POU3F3: variants seen among roughly 807,000 people sequenced by gnomAD.
POU3F3 encodes the protein POU class 3 homeobox 3.
Under a neutral mutation model 8.6 loss-of-function variants are expected in POU3F3, and 1 was observed. The ratio of observed to expected loss-of-function variants is 0.12; its 90% CI spans 0.04 to 0.55. The LOEUF (loss-of-function observed/expected upper bound fraction) is 0.55, where lower values mean the gene tolerates loss of function less well. Among genes scored for constraint, POU3F3 ranks in the 20% least tolerant of loss-of-function variants. POU3F3 has a pLI of 0.91. For missense variants in POU3F3, 577 were observed against 690.7 expected (o/e 0.84, Z 1.84); for synonymous variants, 418 against 327.4 (o/e 1.28, Z -2.99).
chr2:104,868,114 G>GA, the POU3F3 span: 4 of 370,024 alleles, frequency 1.1e-5, no homozygotes, highest in Admixed American at 1.1e-4. Flanking sequence ...GAAAAAGTAA[G>GA]AAAAAAATCA....
At chr2:104,915,457 C>T in the POU3F3 span, among the ~76,000 whole-genome samples, 1 of 152,128 alleles carries the variant, frequency 6.6e-6, no homozygotes, top group Admixed American at 6.5e-5. Context: ...CAAAATTATG[C>T]CACACAGATA....
At chr2:104,872,362 C>G in the POU3F3 span, 2 of 456,408 alleles carry the variant, frequency 4.4e-6, no homozygotes, top group African/African-American at 2.0e-5. This position sits in a 1 kb window ranked among gnomAD's most constrained non-coding sequence, Gnocchi z 4.6. Context: ...GGGCTCTGAG[C>G]TCTGGAGCCC....
the POU3F3 span, among the ~76,000 whole-genome samples, chr2:104,902,644 C>T: frequency 6.6e-6 from 1 of 152,146 alleles, no homozygotes; most frequent in African/African-American, 2.4e-5. Context: ...TGACTGTGTG[C>T]ATCTCCCTCA....
the POU3F3 span, among the ~76,000 whole-genome samples, chr2:104,912,211 C>T: frequency 6.6e-6 from 1 of 152,204 alleles, no homozygotes; most frequent in African/African-American, 2.4e-5. Flanking sequence ...AAGCATCAAG[C>T]ACAGAACCTA....
chr2:104,911,369 C>T, the POU3F3 span, among the ~76,000 whole-genome samples: 389 of 149,154 alleles, frequency 2.6e-3, 2 homozygotes, highest in African/African-American at 9.3e-3. Context: ...GAGCTGAGAT[C>T]GCACCACTGC....
the POU3F3 span, among the ~76,000 whole-genome samples, chr2:104,889,708 A>G: frequency 1.1e-4 from 16 of 152,184 alleles, no homozygotes; most frequent in African/African-American, 3.9e-4. Context: ...TTAAATTGTC[A>G]GGTAACTGTT....
chr2:104,889,674 A>G, the POU3F3 span, among the ~76,000 whole-genome samples: 1 of 152,208 alleles, frequency 6.6e-6, no homozygotes, highest in Non-Finnish European at 1.5e-5. Context: ...CCTGAGACCC[A>G]CAGTGGAAGG....
At chr2:104,918,667 C>T in the POU3F3 span, among the ~76,000 whole-genome samples, 6 of 152,128 alleles carry the variant, frequency 3.9e-5, no homozygotes, top group Non-Finnish European at 7.3e-5. Flanking sequence ...AGCAGATTCT[C>T]TCTCGCAGTC....
rs1295778978 is a variant in POU3F3 at position 104,855,970 on chromosome 2, G to A, written c.460G>A (p.Gly154Arg). 1 of 1,039,956 alleles carries A rather than the reference G, an allele frequency of 9.6e-7. No individual in the cohort carries two copies. Among genetic ancestry groups the A allele is most frequent in the Non-Finnish European group, 1.2e-6 (1 of 865,902 alleles). 64.4% of individuals were successfully genotyped at this position (1,039,956 alleles called of 1,614,324 possible). Residue 154 changes from glycine to arginine, a missense_variant, in exon 1 of 1, where the codon GGG (glycine) becomes AGG (arginine). This residue lies in a region of POU3F3 where 484 missense variants were observed against 422.6 expected (regional missense o/e 1.15). Coordinates refer to ENST00000361360, the MANE Select transcript of POU3F3 (RefSeq NM_006236.3). ...GGGCCCCGACGTGAAGGGCGGCGCC[G>A]GGCGCGACGACCTGCACGCGGGCAC... ...PQGPDVKGGA[G>R]RDDLHAGTAL...
chr2:104,909,342 G>C, the POU3F3 span, among the ~76,000 whole-genome samples: 1 of 152,172 alleles, frequency 6.6e-6, no homozygotes, highest in Non-Finnish European at 1.5e-5. Flanking sequence ...AATCTGGATG[G>C]GAAGCCAGAA....
the POU3F3 span, among the ~76,000 whole-genome samples, chr2:104,892,628 G>A: frequency 4.0e-5 from 6 of 149,786 alleles, no homozygotes; most frequent in African/African-American, 1.5e-4. Flanking sequence ...ACCACTCCTG[G>A]CTGATTTTAT....
rs1215794698 is a variant in POU3F3, at chr2:104,858,365, T to C, written c.*1352T>C. Reference sequence around the variant, plus strand: ...ACTTCTTTTAATATTTTATTCAGAATACTTATGAACTGCTGCAAAACGGTA... The same window carrying C: ...ACTTCTTTTAATATTTTATTCAGAACACTTATGAACTGCTGCAAAACGGTA... On this transcript the variant is annotated 3_prime_UTR_variant, in exon 1 of 1. Coordinates refer to ENST00000361360, the MANE Select transcript of POU3F3 (RefSeq NM_006236.3). 3 of 152,254 alleles carry C rather than the reference T, an allele frequency of 2.0e-5. No homozygotes were observed. The highest frequency in any genetic ancestry group is 7.2e-5 in the African/African-American group (3 of 41,460). 9.4% of individuals were successfully genotyped at this position (152,254 alleles called of 1,614,324 possible).
At chr2:104,877,823 A>G in the POU3F3 span, among the ~76,000 whole-genome samples, 2 of 151,924 alleles carry the variant, frequency 1.3e-5, no homozygotes, top group East Asian at 3.9e-4. Context: ...ACGCCCAGCT[A>G]ATTTTTGTAT....
the POU3F3 span, among the ~76,000 whole-genome samples, chr2:104,905,760 G>A: frequency 1.3e-5 from 2 of 152,164 alleles, no homozygotes. Context: ...CCCTCTGTGA[G>A]TGCCTGTGTC....
the POU3F3 span, among the ~76,000 whole-genome samples, chr2:104,878,453 AT>A: frequency 1.3e-5 from 2 of 152,358 alleles, no homozygotes; most frequent in Non-Finnish European, 1.5e-5. Flanking sequence ...TAATGAAATA[AT>A]TAAATCGAAC....
the POU3F3 span, among the ~76,000 whole-genome samples, chr2:104,913,359 C>A: frequency 6.6e-6 from 1 of 152,070 alleles, no homozygotes; most frequent in African/African-American, 2.4e-5. Flanking sequence ...ATCCTCTGGA[C>A]CCCGTTGGGA....
chr2:104,920,359 T>C, the POU3F3 span, among the ~76,000 whole-genome samples: 3 of 152,214 alleles, frequency 2.0e-5, no homozygotes, highest in South Asian at 4.1e-4. Flanking sequence ...CTAGATTTTA[T>C]GTTACAGACA....
downstream of POU3F3, among the ~76,000 whole-genome samples, chr2:104,859,189 A>T (rs1676627038): frequency 6.6e-6 from 1 of 152,168 alleles, no homozygotes; most frequent in Non-Finnish European, 1.5e-5. Context: ...ATTATGGTCC[A>T]CACTGCATAC....
At chr2:104,892,037 A>T in the POU3F3 span, among the ~76,000 whole-genome samples, 1 of 152,170 alleles carries the variant, frequency 6.6e-6, no homozygotes, top group South Asian at 2.1e-4. Context: ...ACACAAGCGC[A>T]CACCTGGGCT....
Sources: gnomAD v4.1 joint callset for allele counts (sites outside exome capture counted in the v4.1 genomes callset) on GRCh38, gnomAD v4.1.1 for gene constraint, gnomAD v4.1.1 regional missense constraint, Gnocchi (gnomAD v3.1) non-coding constraint, MANE v1.5 for transcripts, NCBI Gene and HGNC (gene_info 2026-07-23, HGNC 2026-07-21) for gene names.